Variants in PARD3 observed in about 807,000 individuals in gnomAD.
PARD3 encodes the protein partitioning defective 3 homolog.
Under a neutral mutation model 155.4 loss-of-function variants are expected in PARD3, and 75 were observed. The ratio of observed to expected loss-of-function variants is 0.48; its 90% CI spans 0.40 to 0.58. The LOEUF is 0.58. PARD3 is among the 20% of genes least tolerant of loss of function. PARD3 has a pLI of 0.00. For missense variants in PARD3, 1,642 were observed against 1,721.7 expected, an observed-to-expected ratio of 0.95 and a Z score of 0.82; for synonymous variants, 576 against 610.5, an observed-to-expected ratio of 0.94 and a Z score of 0.83.
chr10:34,748,882 A>C (rs1478667520), intron 1 of PARD3, among the ~76,000 whole-genome samples: 1 of 152,222 alleles, frequency 6.6e-6, no homozygotes, highest in African/African-American at 2.4e-5. Flanking sequence ...CACTGCACTA[A>C]TCACTAAGGA....
chr10:34,787,358 AAC>A (rs1841101226), intron 1 of PARD3, among the ~76,000 whole-genome samples: 1 of 152,184 alleles, frequency 6.6e-6, no homozygotes, highest in South Asian at 2.1e-4. Context: ...CAGCCTGGGC[AAC>A]AGAGTGAGAC....
intron 20 of PARD3, among the ~76,000 whole-genome samples, chr10:34,311,743 A>C (rs952783466): frequency 2.6e-5 from 4 of 151,412 alleles, no homozygotes; most frequent in Non-Finnish European, 2.9e-5. Context: ...CTACACCACC[A>C]CCCCCCTGCC....
Position 34,348,092 on chromosome 10 carries a change from A to C in PARD3, c.2091T>G (p.Pro697=). 6.2e-7 allele frequency: 1 copy of C among 1,610,382 alleles called. No homozygotes were observed. Among genetic ancestry groups the C allele is most frequent in the Non-Finnish European group, 8.5e-7 (1 of 1,178,460 alleles). ...CNELKSPGSP[P]GPELPIETAL... Reference sequence around the variant, plus strand: ...CTGTTTCAATGGGCAGCTCAGGTCCAGGGGGGCTCCCAGGTGACTTCAGCT... The same window carrying C: ...CTGTTTCAATGGGCAGCTCAGGTCCCGGGGGGCTCCCAGGTGACTTCAGCT... Residue 697 remains proline (P), a synonymous_variant, in exon 15 of 25, where the codon CCT becomes CCG. Transcript: ENST00000374788.
chr10:34,241,272 AG>A (rs1186791974), intron 22 of PARD3, among the ~76,000 whole-genome samples: 1 of 152,202 alleles, frequency 6.6e-6, no homozygotes, highest in Non-Finnish European at 1.5e-5. Context: ...GATCCAGAGC[AG>A]GACACCCAGC....
intron 3 of PARD3, among the ~76,000 whole-genome samples, chr10:34,512,148 C>T (rs1191893568): frequency 6.6e-6 from 1 of 152,142 alleles, no homozygotes; most frequent in Non-Finnish European, 1.5e-5. Context: ...TAGTAATATT[C>T]CAATGCTACC....
intron 4 of PARD3, among the ~76,000 whole-genome samples, chr10:34,460,971 C>A (rs2077614252): frequency 6.6e-6 from 1 of 152,308 alleles, no homozygotes; most frequent in East Asian, 1.9e-4. Flanking sequence ...TATTCAAAAA[C>A]AACTTTGTTA....
chr10:34,759,838 A>G (rs776200492), intron 1 of PARD3, among the ~76,000 whole-genome samples: 5 of 152,242 alleles, frequency 3.3e-5, no homozygotes, highest in Non-Finnish European at 5.9e-5. Context: ...AAACTGCCTT[A>G]TGGCTTAATT....
At chr10:34,227,883 T>TAC (rs1554814075) in intron 22 of PARD3, among the ~76,000 whole-genome samples, 1 of 130,458 alleles carries the variant, frequency 7.7e-6, no homozygotes, top group African/African-American at 2.9e-5. Flanking sequence ...TATATATATA[T>TAC]ACTGGGAATA....
At chr10:34,324,137 G>C (rs1046437721) in intron 19 of PARD3, among the ~76,000 whole-genome samples, 1 of 152,164 alleles carries the variant, frequency 6.6e-6, no homozygotes, top group Non-Finnish European at 1.5e-5. Context: ...TCTTTTGAGT[G>C]AAACACAAAA....
intron 1 of PARD3, among the ~76,000 whole-genome samples, chr10:34,791,843 TAA>T (rs748001249): frequency 5.2e-4 from 73 of 139,640 alleles, no homozygotes; most frequent in African/African-American, 9.7e-4. Context: ...CTGCCTCGTT[TAA>T]AAAAAAAAAA....
chr10:34,307,153 G>A (rs1166171069), intron 20 of PARD3, among the ~76,000 whole-genome samples: 1 of 152,152 alleles, frequency 6.6e-6, no homozygotes, highest in Non-Finnish European at 1.5e-5. Flanking sequence ...GCCTCCCAAA[G>A]TGCTGGGATT....
At chr10:34,687,956 T>C (rs1240498335) in intron 2 of PARD3, among the ~76,000 whole-genome samples, 1 of 142,220 alleles carries the variant, frequency 7.0e-6, no homozygotes, top group Non-Finnish European at 1.5e-5. Context: ...ACAGGCTCAA[T>C]GCGATCCTCC....
chr10:34,199,740 G>T (rs1421952470), intron 22 of PARD3, among the ~76,000 whole-genome samples: 1 of 152,194 alleles, frequency 6.6e-6, no homozygotes, highest in Non-Finnish European at 1.5e-5. Flanking sequence ...AAGGATGCAA[G>T]CTTTCCCTTC....
At chr10:34,336,401 AG>A (rs1167518174) in intron 17 of PARD3, 158 bp from the exon 18 acceptor site, 2 of 573,636 alleles carry the variant, frequency 3.5e-6, no homozygotes, top group Non-Finnish European at 6.2e-6. Context: ...TCAAAAAAGG[AG>A]GAAAAAAAAG....
At chr10:34,128,442 C>G (rs752164920) in intron 23 of PARD3, among the ~76,000 whole-genome samples, 3 of 152,144 alleles carry the variant, frequency 2.0e-5, no homozygotes, top group Non-Finnish European at 4.4e-5. Context: ...AAGAATACAG[C>G]ATATAATACA....
intron 1 of PARD3, among the ~76,000 whole-genome samples, chr10:34,810,866 G>A (rs1326921824): frequency 1.3e-5 from 2 of 152,014 alleles, no homozygotes; most frequent in African/African-American, 2.4e-5. Flanking sequence ...AGATAATGGG[G>A]CTCCGTAGGG....
At chr10:34,171,398 C>A (rs1315491395) in intron 22 of PARD3, among the ~76,000 whole-genome samples, 1 of 152,084 alleles carries the variant, frequency 6.6e-6, no homozygotes, top group Non-Finnish European at 1.5e-5. Context: ...CTGGCTAATA[C>A]TAAATATGGA....
At chr10:34,442,263 A>G (rs939157667) in intron 5 of PARD3, among the ~76,000 whole-genome samples, 2 of 152,238 alleles carry the variant, frequency 1.3e-5, no homozygotes, top group Non-Finnish European at 2.9e-5. Flanking sequence ...ACTATCTGGC[A>G]GCATCAGAAT....
At chr10:34,302,313 C>T (rs1439368653) in intron 20 of PARD3, among the ~76,000 whole-genome samples, 3 of 152,136 alleles carry the variant, frequency 2.0e-5, no homozygotes, top group African/African-American at 4.8e-5. Context: ...GCAGCTAATA[C>T]CCACAAAGTA....
Sources: allele counts gnomAD v4.1 joint callset (sites outside exome capture counted in the v4.1 genomes callset), GRCh38; gene constraint gnomAD v4.1.1; transcripts MANE v1.5; gene names NCBI Gene and HGNC (gene_info 2026-07-23, HGNC 2026-07-21).